Variants in XRCC4 observed in about 807,000 individuals in gnomAD.
The protein encoded by XRCC4 is DNA repair protein XRCC4.
A neutral mutation model predicts 39.1 loss-of-function variants in XRCC4; 28 were observed. That is an observed-to-expected ratio of 0.72 (90% confidence interval 0.53 to 0.98). The LOEUF (loss-of-function observed/expected upper bound fraction) is 0.98, where lower values mean the gene tolerates loss of function less well. Ranked by LOEUF, XRCC4 falls within the 50% of genes least tolerant of loss-of-function variation. The pLI, the probability that XRCC4 is intolerant of heterozygous loss-of-function variation, is 0.00. For synonymous variants in XRCC4, 123 were observed against 126.4 expected, an observed-to-expected ratio of 0.97 and a Z score of 0.18; for missense variants, 350 against 376.4, an observed-to-expected ratio of 0.93 and a Z score of 0.58.
At chr5:83,232,044 A>G (rs1186037121) in intron 6 of XRCC4, among the ~76,000 whole-genome samples, 2 of 152,008 alleles carry the variant, frequency 1.3e-5, no homozygotes, top group Non-Finnish European at 2.9e-5. Flanking sequence ...GTTTTGTTGG[A>G]CATTACCCCC....
At chr5:83,297,091 A>G (rs1755120687) in intron 7 of XRCC4, among the ~76,000 whole-genome samples, 1 of 151,954 alleles carries the variant, frequency 6.6e-6, no homozygotes, top group Non-Finnish European at 1.5e-5. Context: ...GCAATCATAT[A>G]TGCATATAAA....
chr5:83,125,492 A>G (rs1747214537), intron 3 of XRCC4, among the ~76,000 whole-genome samples: 1 of 152,214 alleles, frequency 6.6e-6, no homozygotes, highest in Non-Finnish European at 1.5e-5. Context: ...TTTCTTGGCT[A>G]TGAATGTCAA....
At chr5:83,221,268 C>T (rs907007898) in intron 6 of XRCC4, among the ~76,000 whole-genome samples, 2 of 152,084 alleles carry the variant, frequency 1.3e-5, no homozygotes, top group Admixed American at 6.5e-5. Flanking sequence ...ATTATTTAAG[C>T]ACTATTTCAT....
chr5:83,085,977 A>G (rs1454768143), intron 1 of XRCC4, among the ~76,000 whole-genome samples: 3 of 152,204 alleles, frequency 2.0e-5, no homozygotes, highest in Non-Finnish European at 4.4e-5. Context: ...ACAATCTTAC[A>G]TTGTTTTGCG....
chr5:83,306,503 C>G (rs1471318948), intron 7 of XRCC4, among the ~76,000 whole-genome samples: 1 of 21,990 alleles, frequency 4.5e-5, no homozygotes, highest in Non-Finnish European at 7.7e-5. Context: ...GAATTGTATA[C>G]TTTTCCCAAG....
At chr5:83,326,246 C>T (rs1487067998) in intron 7 of XRCC4, among the ~76,000 whole-genome samples, 1 of 152,036 alleles carries the variant, frequency 6.6e-6, no homozygotes, top group African/African-American at 2.4e-5. Flanking sequence ...TGCAAAAGCT[C>T]TTTAGTTTAA....
chr5:83,203,794 T>G (rs978753791), intron 5 of XRCC4, 87 bp downstream of exon 5: 1 of 1,478,742 alleles, frequency 6.8e-7, no homozygotes, highest in Non-Finnish European at 9.2e-7. Flanking sequence ...AGATGCCAAC[T>G]TTTTGATCAT....
chr5:83,234,825 T>G (rs937449871), intron 6 of XRCC4, among the ~76,000 whole-genome samples: 1 of 152,034 alleles, frequency 6.6e-6, no homozygotes, highest in Non-Finnish European at 1.5e-5. Flanking sequence ...AAAAAAAATT[T>G]TAAGCCTTAG....
At chr5:83,308,547 T>C (rs116687844) in intron 7 of XRCC4, among the ~76,000 whole-genome samples, 2,225 of 152,308 alleles carry the variant, frequency 0.015, 48 homozygotes, top group African/African-American at 0.047. Context: ...TCTACACTTT[T>C]GTACAGGTTT....
At chr5:83,254,288 G>A (rs545467584) in intron 6 of XRCC4, among the ~76,000 whole-genome samples, 1 of 151,752 alleles carries the variant, frequency 6.6e-6, no homozygotes. Flanking sequence ...TTAACATATC[G>A]CTCTGCCTTC....
intron 6 of XRCC4, among the ~76,000 whole-genome samples, chr5:83,245,413 C>T (rs1478541518): frequency 6.6e-6 from 1 of 151,736 alleles, no homozygotes; most frequent in Non-Finnish European, 1.5e-5. Context: ...ACATAATTAC[C>T]CACAATTAGT....
intron 6 of XRCC4, among the ~76,000 whole-genome samples, chr5:83,229,659 CTTTTT>C (rs61356475): frequency 2.9e-5 from 3 of 103,716 alleles, no homozygotes; most frequent in African/African-American, 7.7e-5. Flanking sequence ...AATGTTTAAA[CTTTTT>C]TTTTTTTTTT....
chr5:83,305,476 A>C (rs73769446), intron 7 of XRCC4, among the ~76,000 whole-genome samples: 5,831 of 152,238 alleles, frequency 0.038, 335 homozygotes, highest in African/African-American at 0.13. Context: ...AGTAGAGTCT[A>C]AAATGTGTTA....
At chr5:83,318,336 T>G (rs1286187118) in intron 7 of XRCC4, among the ~76,000 whole-genome samples, 4 of 132,004 alleles carry the variant, frequency 3.0e-5, no homozygotes, top group African/African-American at 1.4e-4. Context: ...TTCAACATAG[T>G]GTTGGAAGTT....
chr5:83,177,172 GA>G (rs1310030303), intron 3 of XRCC4, among the ~76,000 whole-genome samples: 3 of 152,048 alleles, frequency 2.0e-5, no homozygotes, highest in African/African-American at 7.2e-5. Flanking sequence ...CCTATAAATT[GA>G]TTTTTGTTCC....
intron 3 of XRCC4, among the ~76,000 whole-genome samples, chr5:83,187,645 T>C (rs892609286): frequency 2.0e-5 from 3 of 152,152 alleles, no homozygotes; most frequent in Admixed American, 6.5e-5. Context: ...TGGAGAGTAT[T>C]TCAAGAGAGA....
chr5:83,374,311 C>T, the XRCC4 span, among the ~76,000 whole-genome samples: 2 of 152,170 alleles, frequency 1.3e-5, no homozygotes, highest in African/African-American at 4.8e-5. Context: ...ATAAGTCTCA[C>T]AAGATCTGAT....
At chr5:83,281,414 C>A (rs906052281) in intron 7 of XRCC4, among the ~76,000 whole-genome samples, 2 of 152,136 alleles carry the variant, frequency 1.3e-5, no homozygotes, top group Non-Finnish European at 2.9e-5. Context: ...TTCCCTAACT[C>A]CCTAGTCCTA....
intron 1 of XRCC4, among the ~76,000 whole-genome samples, chr5:83,083,623 G>A (rs926966640): frequency 2.6e-5 from 4 of 151,966 alleles, no homozygotes; most frequent in Non-Finnish European, 4.4e-5. Context: ...TGATCCACCC[G>A]CCTCAGCCTC....
Sources: gnomAD v4.1 joint callset for allele counts (sites outside exome capture counted in the v4.1 genomes callset) on GRCh38, gnomAD v4.1.1 for gene constraint, MANE v1.5 for transcripts, NCBI Gene and HGNC (gene_info 2026-07-23, HGNC 2026-07-21) for gene names.